Variants in RPS6KA2 observed in about 807,000 individuals in gnomAD.
RPS6KA2 encodes ribosomal protein S6 kinase alpha-2.
A neutral mutation model predicts 91.8 loss-of-function variants in RPS6KA2; 42 were observed. The ratio of observed to expected loss-of-function variants is 0.46; its 90% confidence interval spans 0.36 to 0.59. The LOEUF is 0.59. Ranked by LOEUF, RPS6KA2 falls within the 20% of genes least tolerant of loss-of-function variation. The probability of loss-of-function intolerance (pLI) is 0.00; values close to 1 mark genes in which losing one functional copy is unlikely to be tolerated. For missense variants in RPS6KA2, 798 were observed against 978.5 expected (o/e 0.82, Z 2.46); for synonymous variants, 414 against 393.6 (o/e 1.05, Z -0.61).
chr6:166,630,601 C>T (rs1290622639), upstream of RPS6KA2, among the ~76,000 whole-genome samples: 2 of 152,226 alleles, frequency 1.3e-5, no homozygotes, highest in Non-Finnish European at 2.9e-5. Flanking sequence ...GGAGTATCAG[C>T]ATTCGAAGGC....
chr6:166,594,965 T>C (rs1043268674), intron 1 of RPS6KA2, among the ~76,000 whole-genome samples: 1 of 152,240 alleles, frequency 6.6e-6, no homozygotes, highest in African/African-American at 2.4e-5. Context: ...AACATTAGTC[T>C]TGAAATTAAC....
intron 2 of RPS6KA2, among the ~76,000 whole-genome samples, chr6:166,651,455 T>G (rs1221497616): frequency 6.6e-6 from 1 of 152,222 alleles, no homozygotes; most frequent in Non-Finnish European, 1.5e-5. Flanking sequence ...AACTTGGCAA[T>G]GGGTTTGTAA....
At chr6:166,511,534 G>C (rs1782479785) in intron 3 of RPS6KA2, among the ~76,000 whole-genome samples, 1 of 152,190 alleles carries the variant, frequency 6.6e-6, no homozygotes, top group Non-Finnish European at 1.5e-5. Context: ...AACAAACAAA[G>C]AGCACCACTT....
intron 1 of RPS6KA2, among the ~76,000 whole-genome samples, chr6:166,574,958 G>T (rs1267674320): frequency 6.6e-6 from 1 of 152,124 alleles, no homozygotes; most frequent in Non-Finnish European, 1.5e-5. Flanking sequence ...TTTGTCAACA[G>T]ATAAGAATGA....
chr6:166,499,966 AC>A (rs2128477853), intron 7 of RPS6KA2, among the ~76,000 whole-genome samples: 1 of 152,302 alleles, frequency 6.6e-6, no homozygotes, highest in South Asian at 2.1e-4. Flanking sequence ...ATAGGGGATG[AC>A]CCTGGATTTC....
At chr6:166,633,774 T>C (rs1467475176) in intron 2 of RPS6KA2, among the ~76,000 whole-genome samples, 4 of 152,216 alleles carry the variant, frequency 2.6e-5, no homozygotes, top group Non-Finnish European at 5.9e-5. Context: ...ATGCATTTCA[T>C]GATCTCTTCC....
chr6:166,788,040 A>G (rs2128612899), intron 2 of RPS6KA2, among the ~76,000 whole-genome samples: 1 of 152,220 alleles, frequency 6.6e-6, no homozygotes, highest in South Asian at 2.1e-4. Context: ...ACACTTCTCA[A>G]AAAAAGACAT....
rs565249627 is a variant in RPS6KA2, at chr6:166,757,877, G to A, written c.123+100323C>T. 9 of 277,274 alleles carry A rather than the reference G, an allele frequency of 3.2e-5. No homozygotes were observed. The East Asian group carries it at 3.5e-4, about 11-fold the overall frequency. The allele number at this position is 277,274 out of a possible 1,614,324, so 17.2% of individuals were successfully genotyped here. ...GAGAAGCTGAGAAAACCTCAGCCCC[G>A]AGGCTGGCCTTCTCCTCTGATGAGA... On this transcript the variant is annotated intron_variant, in intron 2 of 21. Coordinates refer to the RPS6KA2 transcript ENST00000503859.
intron 2 of RPS6KA2, among the ~76,000 whole-genome samples, chr6:166,535,489 C>T (rs761801532): frequency 5.9e-5 from 9 of 152,156 alleles, no homozygotes; most frequent in Non-Finnish European, 1.2e-4. Context: ...GTTCCTTTTT[C>T]GAATGCAGGA....
intron 10 of RPS6KA2, among the ~76,000 whole-genome samples, chr6:166,471,978 C>T (rs979106662): frequency 6.6e-6 from 1 of 152,218 alleles, no homozygotes; most frequent in African/African-American, 2.4e-5. Flanking sequence ...ATTTCCAGAG[C>T]GACAGTCTGA....
At position 166,412,922 on chromosome 6, in the gene RPS6KA2, G is replaced by A. The variant is rs947566161; in HGVS notation, c.2077-35C>T. On this transcript the variant is annotated intron_variant, in intron 20 of 20. Transcript: ENST00000265678. This position sits in a 1 kb window ranked among gnomAD's most constrained non-coding sequence, Gnocchi z 4.3. ...AGAAGACAAGGGTGAGAGCCGCGGC[G>A]CCTCACTCCAGGGGTTGAGCCGGAG... The A allele has an allele frequency of 2.6e-6, 4 of 1,531,960 alleles. No homozygotes were observed. The East Asian group carries it at 7.4e-5, about 28-fold the overall frequency. The allele number at this position is 1,531,960 out of a possible 1,614,324, so 94.9% of individuals were successfully genotyped here. A position where few individuals can be genotyped will look rare whatever the true frequency, so the allele number is the denominator to read the frequency against.
chr6:166,422,806 C>T (rs529140523), intron 17 of RPS6KA2, among the ~76,000 whole-genome samples: 48 of 152,260 alleles, frequency 3.2e-4, no homozygotes, highest in African/African-American at 1.1e-3. Context: ...TTGCTGCTGT[C>T]GGGGAACCAA....
At chr6:166,757,073 T>TA (rs999261188) in intron 2 of RPS6KA2, among the ~76,000 whole-genome samples, 32 of 151,798 alleles carry the variant, frequency 2.1e-4, no homozygotes, top group Non-Finnish European at 8.8e-5. Flanking sequence ...CACCATCACA[T>TA]AAAAAAAAGC....
At chr6:166,674,061 ATTG>A (rs577124919) in intron 2 of RPS6KA2, among the ~76,000 whole-genome samples, 80 of 152,298 alleles carry the variant, frequency 5.3e-4, no homozygotes, top group African/African-American at 1.9e-3. Flanking sequence ...TTCGGGCAAG[ATTG>A]TTGATTCTTC....
intron 2 of RPS6KA2, among the ~76,000 whole-genome samples, chr6:166,637,605 G>T (rs1021451999): frequency 6.6e-6 from 1 of 152,240 alleles, no homozygotes; most frequent in Non-Finnish European, 1.5e-5. Context: ...CTAACCAAGC[G>T]CTCAGAACTT....
chr6:166,447,540 C>CA (rs1344948397), intron 14 of RPS6KA2, among the ~76,000 whole-genome samples: 1 of 152,138 alleles, frequency 6.6e-6, no homozygotes, highest in Non-Finnish European at 1.5e-5. Flanking sequence ...GTGCAAGAAA[C>CA]ACGGTAGACG....
At position 166,414,891 on chromosome 6, in the gene RPS6KA2, C is replaced by A. The variant is rs928994637; in HGVS notation, c.1939-960G>T. On this transcript the variant is annotated intron_variant, in intron 19 of 20. Transcript: ENST00000265678. ...ACCAGCCTGGCCAACATGGTGAAAC[C>A]CCGTCTCTTCTAAAAATACAAAAAT... Among the ~76,000 whole-genome samples, 4 of 152,232 alleles carry A rather than the reference C, an allele frequency of 2.6e-5. No individual in the cohort carries two copies. The East Asian group carries it at 7.7e-4, about 29-fold the overall frequency.
chr6:166,478,045 C>A (rs1427934599), intron 10 of RPS6KA2, among the ~76,000 whole-genome samples: 2 of 152,208 alleles, frequency 1.3e-5, no homozygotes, highest in Non-Finnish European at 2.9e-5. Context: ...CTTTCTGACT[C>A]CAATTCGCAT....
chr6:166,761,367 G>A (rs115094876), intron 2 of RPS6KA2, among the ~76,000 whole-genome samples: 1,745 of 152,274 alleles, frequency 0.011, 40 homozygotes, highest in African/African-American at 0.038. Flanking sequence ...ATGCCATGGG[G>A]AAATCATCAT....
Sources: allele counts gnomAD v4.1 joint callset (sites outside exome capture counted in the v4.1 genomes callset), GRCh38; gene constraint gnomAD v4.1.1; non-coding constraint Gnocchi (gnomAD v3.1); transcripts MANE v1.5; gene names NCBI Gene and HGNC (gene_info 2026-07-23, HGNC 2026-07-21).